Variants in ZIC4 observed in about 807,000 individuals in gnomAD.
ZIC4 encodes zinc finger protein ZIC 4.
A neutral mutation model predicts 28.8 loss-of-function variants in ZIC4; 15 were observed. The ratio of observed to expected loss-of-function variants is 0.52; its 90% CI spans 0.35 to 0.80. The LOEUF is 0.80. ZIC4 is among the 30% of genes least tolerant of loss of function. The pLI, the probability that ZIC4 is intolerant of heterozygous loss-of-function variation, is 0.01. For missense variants in ZIC4, 512 were observed against 467.1 expected (o/e 1.10, Z -0.89); for synonymous variants, 220 against 198.1 (o/e 1.11, Z -0.93).
intron 4 of ZIC4, 66 bp downstream of exon 4, chr3:147,390,865 G>A: frequency 2.6e-6 from 4 of 1,526,378 alleles, no homozygotes; most frequent in Non-Finnish European, 3.5e-6. Flanking sequence ...AGGGCCAGGT[G>A]GTAGCTCGGG....
intron 3 of ZIC4, chr3:147,393,777 C>A: frequency 2.4e-6 from 1 of 413,998 alleles, no homozygotes; most frequent in Non-Finnish European, 4.9e-6. Flanking sequence ...CCGGCCCCGG[C>A]CGAGGGGTCC....
At chr3:147,402,928 G>A (rs894028227) in intron 1 of ZIC4, 116 bp from the exon 2 acceptor site, 4 of 854,010 alleles carry the variant, frequency 4.7e-6, no homozygotes, top group Admixed American at 2.6e-5. Context: ...AAGATCTTTC[G>A]GTCTTTCTTT....
intron 3 of ZIC4, among the ~76,000 whole-genome samples, chr3:147,394,468 T>TAAAA (rs3058048): frequency 7.3e-6 from 1 of 137,380 alleles, no homozygotes; most frequent in African/African-American, 2.7e-5. Context: ...TTTGTTTGTT[T>TAAAA]AAAAAAAAAA....
chr3:147,405,434 C>G, intron 1 of ZIC4: 1 of 1,537,244 alleles, frequency 6.5e-7, no homozygotes, highest in Non-Finnish European at 8.7e-7. Context: ...CTCCAAAAGC[C>G]CCTCCGCTTT....
At chr3:147,390,183 C>A (rs1352118735) in intron 4 of ZIC4, among the ~76,000 whole-genome samples, 1 of 152,158 alleles carries the variant, frequency 6.6e-6, no homozygotes, top group Non-Finnish European at 1.5e-5. Context: ...ACCACCCACC[C>A]ACCCCCTGCT....
chr3:147,399,090 T>TA lies in ZIC4; in HGVS notation c.71-2622dup, dbSNP rs926722708. 1.1e-3 allele frequency among the ~76,000 whole-genome samples: 166 copies of TA among 146,534 alleles called. No individual in the cohort carries two copies. The Middle Eastern group carries it at 0.032, about 28-fold the overall frequency. ...CTACCAATAGATACTCCTCAGTATTTAAAAAAAAAAAATTAGAGAAGAGTA... is the reference window on the plus strand; with the variant it reads ...CTACCAATAGATACTCCTCAGTATTTAAAAAAAAAAAAATTAGAGAAGAGTA... On this transcript the variant is annotated intron_variant, in intron 2 of 4. Transcript: ENST00000383075.
chr3:147,392,120 C>A, intron 3 of ZIC4: 3 of 985,654 alleles, frequency 3.0e-6, no homozygotes, highest in African/African-American at 1.7e-5. Context: ...AGACCACCCC[C>A]ACCTGGCTGT....
rs375132387 is a variant in ZIC4 at position 147,405,368 on chromosome 3, A to G, written c.-16+995T>C. On this transcript the variant is annotated intron_variant, in intron 1 of 4. Coordinates refer to ENST00000383075, the MANE Select transcript of ZIC4 (RefSeq NM_032153.6). ...AATACTGTCGGAAAGCGGGGAAAAC[A>G]TGACCTTGGAATCCAAAGGGAGTTT... is the stretch of plus-strand genomic sequence containing the variant. The G allele has an allele frequency of 1.8e-5, 27 of 1,535,268 alleles. No homozygotes were observed. In the African/African-American group the frequency reaches 3.4e-4, roughly 19 times the overall value.
chr3:147,399,707 C>A (rs914019915), intron 2 of ZIC4, among the ~76,000 whole-genome samples: 1 of 148,914 alleles, frequency 6.7e-6, no homozygotes, highest in Non-Finnish European at 1.5e-5. Context: ...CCTCTGTCGC[C>A]CAGGCTGCAG....
At chr3:147,401,245 C>T (rs1427891194) in intron 2 of ZIC4, among the ~76,000 whole-genome samples, 1 of 152,194 alleles carries the variant, frequency 6.6e-6, no homozygotes, top group Non-Finnish European at 1.5e-5. Flanking sequence ...GCCCTACCAT[C>T]TGCCAGAGCT....
chr3:147,391,057 G>C lies in ZIC4; in HGVS notation c.878C>G (p.Pro293Arg). ...AGCCGAATCGTAGCCAGAGCTGGGC[G>C]GCGGCGAGCGCCCGTGCACCTTCAT... The part of the protein sequence containing the change: ...KHMKVHGRSP[P>R]PSSGYDSATP... Residue 293 changes from proline to arginine, a missense_variant, in exon 4 of 5, where the codon CCG (proline) becomes CGG (arginine). Transcript: ENST00000383075. 1 of 1,613,834 alleles carries C rather than the reference G, an allele frequency of 6.2e-7. No homozygotes were observed. The highest frequency in any genetic ancestry group is 8.5e-7 in the Non-Finnish European group (1 of 1,180,028).
At chr3:147,394,056 G>A in intron 3 of ZIC4, 1 of 440,488 alleles carries the variant, frequency 2.3e-6, no homozygotes, top group Non-Finnish European at 4.6e-6. Context: ...GTTGAATCGA[G>A]AACTGTCTTC....
intron 1 of ZIC4, chr3:147,405,488 A>T (rs540873020): frequency 2.3e-5 from 36 of 1,536,824 alleles, no homozygotes; most frequent in South Asian, 7.1e-5. Context: ...CAACTTTCAG[A>T]TCCAACCTTT....
Position 147,396,473 on chromosome 3 carries a change from T to C in ZIC4, c.71-4A>G, listed in dbSNP as rs767564009. On this transcript the variant is annotated splice_polypyrimidine_tract_variant and splice_region_variant and intron_variant, in intron 2 of 4. Transcript: ENST00000383075. This position sits in a 1 kb window ranked among gnomAD's most constrained non-coding sequence, Gnocchi z 4.2. ...CCATGGTGTCCAGAGCTGCTACCTG[T>C]TGTCGAAACAAATAGCGCGCATGAG... 3 of 1,507,676 alleles carry C rather than the reference T, an allele frequency of 2.0e-6. No homozygotes were observed. The highest frequency in any genetic ancestry group is 2.8e-5 in the African/African-American group (2 of 71,456). The allele number at this position is 1,507,676 out of a possible 1,614,324, so 93.4% of individuals were successfully genotyped here. A position where few individuals can be genotyped will look rare whatever the true frequency, so the allele number is the denominator to read the frequency against.
chr3:147,396,478 GAAAC>G lies in ZIC4; in HGVS notation c.71-13_71-10del. 1 of 1,506,258 alleles carries G rather than the reference GAAAC, an allele frequency of 6.6e-7. No homozygotes were observed. The highest frequency in any genetic ancestry group is 8.8e-7 in the Non-Finnish European group (1 of 1,131,788). 93.3% of individuals were successfully genotyped at this position (1,506,258 alleles called of 1,614,324 possible). Reference sequence around the variant, plus strand: ...GTGTCCAGAGCTGCTACCTGTTGTCGAAACAAATAGCGCGCATGAGAACGGGTGG... The same window carrying G: ...GTGTCCAGAGCTGCTACCTGTTGTCGAAATAGCGCGCATGAGAACGGGTGG... On this transcript the variant is annotated splice_polypyrimidine_tract_variant and intron_variant, in intron 2 of 4. Coordinates refer to ENST00000383075, the MANE Select transcript of ZIC4 (RefSeq NM_032153.6). The surrounding 1 kb of genome is among the most constrained non-coding windows in gnomAD (Gnocchi z 4.2).
At chr3:147,389,819 A>G (rs9631465) in intron 4 of ZIC4, among the ~76,000 whole-genome samples, 58,406 of 151,920 alleles carry the variant, frequency 0.38, 11,395 homozygotes, top group South Asian at 0.48. Flanking sequence ...TGCAATTACT[A>G]ACAAAGACCA....
chr3:147,399,599 C>G (rs1327321607), intron 2 of ZIC4, among the ~76,000 whole-genome samples: 1 of 151,842 alleles, frequency 6.6e-6, no homozygotes, highest in Non-Finnish European at 1.5e-5. Context: ...TAATCTAAAA[C>G]TAACAGTTCA....
At chr3:147,403,863 C>G (rs78614461) in intron 1 of ZIC4, 9 of 1,155,378 alleles carry the variant, frequency 7.8e-6, no homozygotes, top group East Asian at 2.6e-5. Flanking sequence ...TCTCTCTCCC[C>G]CTCAACGTCC....
At chr3:147,405,776 G>T in intron 1 of ZIC4, 1 of 451,218 alleles carries the variant, frequency 2.2e-6, no homozygotes, top group Non-Finnish European at 4.0e-6. Context: ...GGACTCAGGC[G>T]GCATCTGCCG....
Sources: gnomAD v4.1 joint callset for allele counts (sites outside exome capture counted in the v4.1 genomes callset) on GRCh38, gnomAD v4.1.1 for gene constraint, Gnocchi (gnomAD v3.1) non-coding constraint, MANE v1.5 for transcripts, NCBI Gene and HGNC (gene_info 2026-07-23, HGNC 2026-07-21) for gene names.